The following ADGRL2 variants were observed in gnomAD, a reference collection of about 807,000 sequenced individuals.
ADGRL2 encodes adhesion G protein-coupled receptor L2, also known as calcium-independent alpha-latrotoxin receptor 2.
A neutral mutation model predicts 157.4 loss-of-function variants in ADGRL2; 44 were observed. The ratio of observed to expected loss-of-function variants is 0.28; its 90% CI spans 0.22 to 0.36. The LOEUF (loss-of-function observed/expected upper bound fraction) is 0.36, where lower values mean the gene tolerates loss of function less well. Among genes scored for constraint, ADGRL2 ranks in the 10% least tolerant of loss-of-function variants. The probability of loss-of-function intolerance (pLI) is 1.00; values close to 1 mark genes in which losing one functional copy is unlikely to be tolerated. For synonymous variants in ADGRL2, 585 were observed against 624.7 expected (o/e 0.94, Z 0.95); for missense variants, 1,510 against 1,768.9 (o/e 0.85, Z 2.63).
At chr1:81,799,902 A>C (rs759642928), upstream of ADGRL2, among the ~76,000 whole-genome samples, 1 of 151,702 alleles carries the variant, frequency 6.6e-6, no homozygotes, top group African/African-American at 2.4e-5. Context: ...AAAAAAATCC[A>C]TGTTTGAATT....
At chr1:81,447,212 C>T (rs1249781493) in intron 2 of ADGRL2, among the ~76,000 whole-genome samples, 2 of 151,762 alleles carry the variant, frequency 1.3e-5, no homozygotes, top group South Asian at 2.1e-4. Context: ...ATGATACTTA[C>T]GTGAATTTTT....
chr1:81,911,196 G>A (rs1156233978), intron 3 of ADGRL2, among the ~76,000 whole-genome samples: 1 of 152,056 alleles, frequency 6.6e-6, no homozygotes, highest in Admixed American at 6.6e-5. Flanking sequence ...ATAGTATACT[G>A]TCTTAAGTAT....
chr1:81,552,964 T>C (rs1458644039), intron 2 of ADGRL2, among the ~76,000 whole-genome samples: 1 of 152,174 alleles, frequency 6.6e-6, no homozygotes, highest in African/African-American at 2.4e-5. Flanking sequence ...TACATTTCAA[T>C]TGTTTCTTGA....
chr1:81,379,515 G>A (rs2076307765), intron 1 of ADGRL2, among the ~76,000 whole-genome samples: 1 of 152,266 alleles, frequency 6.6e-6, no homozygotes, highest in Non-Finnish European at 1.5e-5. Flanking sequence ...TGAGTGCAAG[G>A]TTTTATTGAG....
chr1:81,570,389 T>A (rs182049809), intron 2 of ADGRL2, among the ~76,000 whole-genome samples: 1 of 152,270 alleles, frequency 6.6e-6, no homozygotes, highest in Non-Finnish European at 1.5e-5. Flanking sequence ...TTTGTTTGTT[T>A]GTTTGTTTGT....
chr1:81,555,982 T>C (rs1234058704), intron 2 of ADGRL2, among the ~76,000 whole-genome samples: 2 of 151,610 alleles, frequency 1.3e-5, no homozygotes, highest in Admixed American at 1.3e-4. Context: ...GTATCACTGC[T>C]CCTACTACAT....
Position 81,757,457 on chromosome 1 carries a change from A to G in ADGRL2, c.-142-4354A>G, listed in dbSNP as rs897493404. ...TGTAACAATAACTGAGTCTTGGCCA[A>G]TCACAGTGGCCAAATTTCAGCCACT... On this transcript the variant is annotated intron_variant, in intron 1 of 20. Coordinates refer to the ADGRL2 transcript ENST00000359929. Among the ~76,000 whole-genome samples the G allele has an allele frequency of 3.9e-5, 6 of 152,174 alleles. No individual in the cohort carries two copies. In the East Asian group the frequency reaches 9.6e-4, roughly 24 times the overall value.
chr1:81,722,545 C>G lies in ADGRL2; in HGVS notation c.-143+22737C>G, dbSNP rs918459139. The G allele has an allele frequency of 4.6e-6, 7 of 1,535,102 alleles. No individual in the cohort carries two copies. The Admixed American group carries it at 1.2e-4, about 26-fold the overall frequency. On this transcript the variant is annotated intron_variant, in intron 1 of 20. Transcript: ENST00000359929. ...TGAAATAAATCCTGATTCAGCTCAG[C>G]CTTACAAATGGCGAGGGAAAGCACA... is the stretch of plus-strand genomic sequence containing the variant.
chr1:81,459,651 C>T (rs2077880284), intron 2 of ADGRL2, among the ~76,000 whole-genome samples: 1 of 151,896 alleles, frequency 6.6e-6, no homozygotes, highest in African/African-American at 2.4e-5. Flanking sequence ...TTAATAATCT[C>T]TTTAAGATTC....
chr1:81,570,471 C>T lies in ADGRL2; in HGVS notation c.-247-10405C>T, dbSNP rs558385120. Among the ~76,000 whole-genome samples the T allele has an allele frequency of 4.5e-4, 69 of 152,214 alleles. 1 individual carries two copies. The highest frequency in any genetic ancestry group is 8.2e-4 in the Non-Finnish European group (56 of 68,006). On this transcript the variant is annotated intron_variant, in intron 2 of 24. Transcript: ENST00000370721. ...TGGCATGATCTCTGATCACTGCAAC[C>T]GCTGCCTCCCAGGTTCAAGCAATTC...
intron 1 of ADGRL2, among the ~76,000 whole-genome samples, chr1:81,729,551 A>G (rs2084651458): frequency 6.6e-6 from 1 of 152,192 alleles, no homozygotes; most frequent in Admixed American, 6.5e-5. Flanking sequence ...GAAACTAGTG[A>G]TTTAATGATG....
chr1:81,898,056 A>G (rs575209229), intron 2 of ADGRL2, among the ~76,000 whole-genome samples: 17 of 152,210 alleles, frequency 1.1e-4, no homozygotes, highest in Non-Finnish European at 2.2e-4. Flanking sequence ...GCTGCAGTGA[A>G]CTATGATTGT....
intron 2 of ADGRL2, among the ~76,000 whole-genome samples, chr1:81,579,147 C>T (rs2080856204): frequency 6.6e-6 from 1 of 152,076 alleles, no homozygotes; most frequent in Non-Finnish European, 1.5e-5. Flanking sequence ...CAAATTCCAC[C>T]AAGGGGAAAG....
At chr1:81,569,635 C>G (rs1403037335) in intron 2 of ADGRL2, among the ~76,000 whole-genome samples, 1 of 152,044 alleles carries the variant, frequency 6.6e-6, no homozygotes, top group African/African-American at 2.4e-5. Context: ...TAATGAGACT[C>G]AGTCTCTACA....
At chr1:81,487,108 A>AAAAAAT (rs537612028) in intron 2 of ADGRL2, among the ~76,000 whole-genome samples, 16,294 of 134,962 alleles carry the variant, frequency 0.12, 1,194 homozygotes, top group South Asian at 0.15. Flanking sequence ...AAAAAAAAAA[A>AAAAAAT]AGAAAGTAAA....
chr1:81,381,486 A>G (rs1398804458), intron 1 of ADGRL2, among the ~76,000 whole-genome samples: 3 of 152,162 alleles, frequency 2.0e-5, no homozygotes, highest in Non-Finnish European at 4.4e-5. Flanking sequence ...AGAGGCGGGA[A>G]GGATCACTAG....
chr1:81,682,987 G>T (rs537033830), intron 3 of ADGRL2, among the ~76,000 whole-genome samples: 6 of 152,138 alleles, frequency 3.9e-5, no homozygotes, highest in Non-Finnish European at 8.8e-5. Flanking sequence ...ACAAAGATTA[G>T]CTGGGCATGG....
At chr1:81,763,294 A>T (rs12403675) in intron 2 of ADGRL2, among the ~76,000 whole-genome samples, 20,718 of 151,866 alleles carry the variant, frequency 0.14, 1,658 homozygotes, top group Admixed American at 0.18. Context: ...AATTAAAAAA[A>T]AAATCTTCAG....
At chr1:81,834,199 A>G (rs1054010418) in intron 1 of ADGRL2, among the ~76,000 whole-genome samples, 2 of 152,140 alleles carry the variant, frequency 1.3e-5, no homozygotes, top group East Asian at 3.9e-4. Flanking sequence ...ACTTCATCCT[A>G]AGCTCTTTGA....
Sources: allele counts gnomAD v4.1 joint callset (sites outside exome capture counted in the v4.1 genomes callset), GRCh38; gene constraint gnomAD v4.1.1; transcripts MANE v1.5; gene names NCBI Gene and HGNC (gene_info 2026-07-23, HGNC 2026-07-21).